The following CEP104 variants were observed in gnomAD, a reference collection of about 807,000 sequenced individuals.
The protein encoded by CEP104 is centrosomal protein 104, also known as centrosomal protein of 104 kDa.
In CEP104, 84 loss-of-function variants were observed where a neutral mutation model predicts 113.3. That is an observed-to-expected ratio of 0.74 (90% confidence interval 0.62 to 0.89). CEP104 has a LOEUF of 0.89. Among genes scored for constraint, CEP104 ranks in the 40% least tolerant of loss-of-function variants. The pLI, the probability that CEP104 is intolerant of heterozygous loss-of-function variation, is 0.00. For missense variants in CEP104, 1,053 were observed against 1,156.6 expected (o/e 0.91, Z 1.30); for synonymous variants, 378 against 421.7 (o/e 0.90, Z 1.27).
At chr1:3,840,381 T>C (rs1383169635) in intron 6 of CEP104, among the ~76,000 whole-genome samples, 1 of 151,166 alleles carries the variant, frequency 6.6e-6, no homozygotes. Flanking sequence ...GGATTATAGG[T>C]GTGTGGCACC....
rs780909069 is a variant in CEP104, at chr1:3,829,314, A to G, written c.2103T>C (p.Ala701=). 1 of 1,600,810 alleles carries G rather than the reference A, an allele frequency of 6.2e-7. No homozygotes were observed. Among genetic ancestry groups the G allele is most frequent in the South Asian group, 1.1e-5 (1 of 87,614 alleles). Residue 701 remains alanine (A), a synonymous_variant, in exon 15 of 22, where the codon GCT becomes GCC. Coordinates refer to ENST00000378230, the MANE Select transcript of CEP104 (RefSeq NM_014704.4). ...AEKQKKEEIK[A]LQGQLAALKE... is the part of the protein sequence containing the mutation. ...TCAGTGCTGCCAGCTGCCCTTGTAA[A>G]GCTTTTATTTCTTCTTTCTTTTGTT...
intron 15 of CEP104, 135 bp from the exon 16 acceptor site, chr1:3,826,879 G>T: frequency 1.1e-6 from 1 of 885,384 alleles, no homozygotes; most frequent in Non-Finnish European, 1.8e-6. Context: ...TGGCAAGGTG[G>T]CTCATGCCCG....
intron 12 of CEP104, among the ~76,000 whole-genome samples, chr1:3,832,537 CATAACCAGGAGTGT>C (rs1444918406): frequency 0.049 from 4,845 of 99,866 alleles, 882 homozygotes; most frequent in East Asian, 0.1. Flanking sequence ...TAGTGTAGGT[CATAACCAGGAGTGT>C]AGTGTAGCAC....
At position 3,823,238 on chromosome 1, in the gene CEP104, G is replaced by A. The variant is rs1445641593; in HGVS notation, c.2507C>T (p.Ala836Val). 1.2e-6 allele frequency: 2 copies of A among 1,614,018 alleles called. No individual in the cohort carries two copies. Among genetic ancestry groups the A allele is most frequent in the African/African-American group, 1.3e-5 (1 of 74,920 alleles). The change falls in exon 20 of 22, where the codon GCC becomes GTC. Residue 836 changes from alanine to valine, a missense_variant. Ala to Val is a moderately conservative substitution (Grantham distance 64). Coordinates refer to ENST00000378230, the MANE Select transcript of CEP104 (RefSeq NM_014704.4). The surrounding 1 kb of genome is among the most constrained non-coding windows in gnomAD (Gnocchi z 4.1). The part of the protein sequence containing the change: ...RHIKHKDCNP[A>V]KPEKLANRCP... ...CCGGTTTGCCAGCTTCTCCGGTTTG[G>A]CAGCTGAAATGATTTTAAAAAGACT...
At chr1:3,821,617 A>G (rs1017260101) in intron 20 of CEP104, among the ~76,000 whole-genome samples, 1 of 152,134 alleles carries the variant, frequency 6.6e-6, no homozygotes, top group Admixed American at 6.5e-5. Context: ...ACCGTCACAC[A>G]TATCACGCGC....
At chr1:3,855,630 C>G (rs967889778) in intron 1 of CEP104, among the ~76,000 whole-genome samples, 3 of 152,154 alleles carry the variant, frequency 2.0e-5, no homozygotes, top group African/African-American at 7.2e-5. Flanking sequence ...TGCACAGGGA[C>G]TGTGGAGGCA....
intron 6 of CEP104, among the ~76,000 whole-genome samples, chr1:3,842,464 G>A (rs1298918318): frequency 6.6e-6 from 1 of 152,222 alleles, no homozygotes; most frequent in African/African-American, 2.4e-5. Context: ...GACAGCTCTG[G>A]TCTGCACCAG....
In CEP104 at chr1:3,839,737, A is replaced by G. The variant is rs543852756; in HGVS notation, c.606T>C (p.Phe202=). The G allele has an allele frequency of 1.1e-5, 18 of 1,613,440 alleles. No individual in the cohort carries two copies. Among genetic ancestry groups the G allele is most frequent in the South Asian group, 9.9e-5 (9 of 90,806 alleles). ...DYISPLDDLA[F]DMYQDPEVAQ... ...CAACTTCTGGATCTTGGTACATATC[A>G]AAAGCTAAGTCATCTAGCGGAGAGA... Residue 202 remains phenylalanine (F), a synonymous_variant, in exon 7 of 22, where the codon TTT becomes TTC. Coordinates refer to ENST00000378230, the MANE Select transcript of CEP104 (RefSeq NM_014704.4).
At chr1:3,854,599 G>A (rs12026284) in intron 1 of CEP104, among the ~76,000 whole-genome samples, 49,106 of 149,704 alleles carry the variant, frequency 0.33, 9,619 homozygotes, top group Admixed American at 0.45. Flanking sequence ...CTCTCAAGTA[G>A]CTGGGATTAC....
intron 1 of CEP104, among the ~76,000 whole-genome samples, chr1:3,853,036 T>C (rs56377927): frequency 0.041 from 6,189 of 152,332 alleles, 439 homozygotes; most frequent in African/African-American, 0.14. Context: ...GCAGAATGAA[T>C]TTCTGGTGTT....
At chr1:3,838,899 A>C in intron 8 of CEP104, 65 bp downstream of exon 8, 4 of 1,547,160 alleles carry the variant, frequency 2.6e-6, no homozygotes, top group Non-Finnish European at 3.6e-6. Context: ...CACTGTTGTG[A>C]ACCACACAGT....
At position 3,847,543 on chromosome 1, in the gene CEP104, C is replaced by G. The variant is rs1314262895; in HGVS notation, c.358G>C (p.Ala120Pro). Reference sequence around the variant, plus strand: ...ATCAGTTTAAGAAATTGTCCTACTGCATCCACATAAACTGATTTTAGTTCC... The same window carrying G: ...ATCAGTTTAAGAAATTGTCCTACTGGATCCACATAAACTGATTTTAGTTCC... ...ARELKSVYVD[A>P]VGQFLKLIFH... is the part of the protein sequence containing the mutation. The change falls in exon 4 of 22, where the codon GCA becomes CCA. Residue 120 changes from alanine (A) to proline (P), a missense_variant. By Grantham distance (27) the Ala-to-Pro change is conservative (BLOSUM62 -1). Coordinates refer to ENST00000378230, the MANE Select transcript of CEP104 (RefSeq NM_014704.4). 6.2e-7 allele frequency: 1 copy of G among 1,613,172 alleles called. No individual in the cohort carries two copies. Among genetic ancestry groups the G allele is most frequent in the Admixed American group, 1.7e-5 (1 of 59,852 alleles).
rs190573751 is a variant in CEP104, at chr1:3,852,851, G to A, written c.-14-430C>T. Among the ~76,000 whole-genome samples the A allele has an allele frequency of 2.0e-3, 302 of 152,288 alleles. 1 individual carries two copies. Among genetic ancestry groups the A allele is most frequent in the African/African-American group, 6.6e-3 (275 of 41,576 alleles). On this transcript the variant is annotated intron_variant, in intron 1 of 21. Coordinates refer to ENST00000378230, the MANE Select transcript of CEP104 (RefSeq NM_014704.4). The stretch of plus-strand genomic sequence containing the variant: ...AGACACAGCCACACAAAGGGAGAGC[G>A]CCATGTGGTGACAGAGGCAGAGACC...
chr1:3,829,184 TAAGTC>T (rs1288555153), intron 15 of CEP104, 77 bp downstream of exon 15: 5 of 954,710 alleles, frequency 5.2e-6, no homozygotes, highest in South Asian at 1.9e-5. Flanking sequence ...CCATGAAAAA[TAAGTC>T]AAGTATGATG....
At chr1:3,841,613 C>A (rs752164869) in intron 6 of CEP104, among the ~76,000 whole-genome samples, 9 of 152,162 alleles carry the variant, frequency 5.9e-5, no homozygotes, top group Non-Finnish European at 1.2e-4. Context: ...TGCCATCTAC[C>A]CACTTTGGTA....
rs940828218 is a variant in CEP104, at chr1:3,842,504, G to A, written c.566+2403C>T. Among the ~76,000 whole-genome samples the A allele has an allele frequency of 2.0e-5, 3 of 152,370 alleles. No individual in the cohort carries two copies. The South Asian group carries it at 6.2e-4, about 32-fold the overall frequency. On this transcript the variant is annotated intron_variant, in intron 6 of 21. Coordinates refer to ENST00000378230, the MANE Select transcript of CEP104 (RefSeq NM_014704.4). ...GTGGGGAGGCGGTGTAGCCTCTGCA[G>A]GAGGGAAGGCTCGCTGTCCACCAGT...
At chr1:3,840,306 G>A (rs750884639) in intron 6 of CEP104, among the ~76,000 whole-genome samples, 3 of 152,056 alleles carry the variant, frequency 2.0e-5, no homozygotes, top group Non-Finnish European at 4.4e-5. Flanking sequence ...GCGCAATCTC[G>A]GCTCACTGCA....
rs548425129 is a variant in CEP104, at chr1:3,841,602, G to A, written c.567-1826C>T. Among the ~76,000 whole-genome samples, 14 of 152,314 alleles carry A rather than the reference G, an allele frequency of 9.2e-5. No individual in the cohort carries two copies. In the East Asian group the frequency reaches 2.1e-3, roughly 23 times the overall value. ...CCTGTTGATTCAGCAGCAGCGTGGG[G>A]TGCCATCTACCCACTTTGGTACAGA... is the stretch of plus-strand genomic sequence containing the variant. On this transcript the variant is annotated intron_variant, in intron 6 of 21. Transcript: ENST00000378230.
intron 20 of CEP104, among the ~76,000 whole-genome samples, chr1:3,820,135 A>C (rs1395327277): frequency 6.6e-6 from 1 of 152,182 alleles, no homozygotes; most frequent in Non-Finnish European, 1.5e-5. Context: ...AGCAGATGAC[A>C]CATGAGATAC....
Sources: allele counts gnomAD v4.1 joint callset (sites outside exome capture counted in the v4.1 genomes callset), GRCh38; gene constraint gnomAD v4.1.1; non-coding constraint Gnocchi (gnomAD v3.1); transcripts MANE v1.5; gene names NCBI Gene and HGNC (gene_info 2026-07-23, HGNC 2026-07-21).